Variants in FRMD1 observed in about 807,000 individuals in gnomAD.
FRMD1 encodes the protein FERM domain containing 1.
Under a neutral mutation model 54.9 loss-of-function variants are expected in FRMD1, and 51 were observed. That is an observed-to-expected ratio of 0.93 (90% CI 0.74 to 1.17). FRMD1 has a LOEUF of 1.17. FRMD1 is among the 50% of genes most tolerant of loss of function. FRMD1 has a pLI of 0.00. For synonymous variants in FRMD1, 324 were observed against 306.4 expected, an observed-to-expected ratio of 1.06 and a Z score of -0.60; for missense variants, 729 against 743.0, an observed-to-expected ratio of 0.98 and a Z score of 0.22.
chr6:168,057,022 A>G lies in FRMD1; in HGVS notation c.*75T>C. 1 of 1,414,918 alleles carries G rather than the reference A, an allele frequency of 7.1e-7. No homozygotes were observed. The highest frequency in any genetic ancestry group is 9.2e-7 in the Non-Finnish European group (1 of 1,081,896). 87.6% of individuals were successfully genotyped at this position (1,414,918 alleles called of 1,614,324 possible). A position where few individuals can be genotyped will look rare whatever the true frequency, so the allele number is the denominator to read the frequency against. Reference sequence around the variant, plus strand: ...GGCAGCATCTGGCGGGCAGGAAGGGACGAGGGCCATGTGGAAGTGGGGTGG... The same window carrying G: ...GGCAGCATCTGGCGGGCAGGAAGGGGCGAGGGCCATGTGGAAGTGGGGTGG... On this transcript the variant is annotated 3_prime_UTR_variant, in exon 11 of 11. Transcript: ENST00000283309.
At chr6:168,068,551 T>C (rs1353414094) in intron 2 of FRMD1, among the ~76,000 whole-genome samples, 5 of 152,244 alleles carry the variant, frequency 3.3e-5, no homozygotes, top group Admixed American at 1.3e-4. Flanking sequence ...TGGAAGTCTT[T>C]GTTGTACTGT....
chr6:168,069,189 G>C (rs535748916), intron 2 of FRMD1, among the ~76,000 whole-genome samples: 1 of 152,298 alleles, frequency 6.6e-6, no homozygotes, highest in African/African-American at 2.4e-5. Flanking sequence ...GTCTAGGGGA[G>C]TCCCCACCCC....
At chr6:168,080,887 G>T (rs370009007), upstream of FRMD1, among the ~76,000 whole-genome samples, 57 of 152,220 alleles carry the variant, frequency 3.7e-4, no homozygotes, top group African/African-American at 1.3e-3. Flanking sequence ...GTGTGTGGGC[G>T]CTGGTGTGTG....
At chr6:168,065,462 A>G in intron 4 of FRMD1, 1 of 1,001,024 alleles carries the variant, frequency 1.0e-6, no homozygotes, top group South Asian at 4.6e-5. Context: ...CCCAGAGCTC[A>G]CCGCCCAGCA....
upstream of FRMD1, among the ~76,000 whole-genome samples, chr6:168,082,649 G>A (rs942920047): frequency 6.6e-6 from 1 of 152,122 alleles, no homozygotes; most frequent in Non-Finnish European, 1.5e-5. Context: ...AGGGCCCCAG[G>A]CTCCAGGATT....
chr6:168,064,970 G>A lies in FRMD1; in HGVS notation c.549C>T (p.Phe183=), dbSNP rs1450812118. The change falls in exon 5 of 11, where the codon TTC becomes TTT. Residue 183 remains phenylalanine, a synonymous_variant. Transcript: ENST00000283309. ...CCTGCAGCGCGCAGGCAGCCAGCAG[G>A]AAGTAGGCTTCCTCCCGGTGAGCGC... ...SQCAHREEAY[F]LLAACALQAD... is the part of the protein sequence containing the mutation. 3 of 1,612,078 alleles carry A rather than the reference G, an allele frequency of 1.9e-6. No individual in the cohort carries two copies. The highest frequency in any genetic ancestry group is 1.1e-5 in the South Asian group (1 of 91,034).
chr6:168,071,364 A>G (rs1190888298), intron 2 of FRMD1, among the ~76,000 whole-genome samples: 1 of 152,230 alleles, frequency 6.6e-6, no homozygotes, highest in Non-Finnish European at 1.5e-5. Context: ...AAATCCAAGC[A>G]CTTCCCGTAT....
intron 3 of FRMD1, chr6:168,067,078 GCCTCAGGGCTCA>G (rs1562417603): frequency 2.8e-6 from 2 of 710,874 alleles, no homozygotes; most frequent in Non-Finnish European, 5.1e-6. Flanking sequence ...CCTGCTTGCA[GCCTCAGGGCTCA>G]CCACAGTCCC....
intron 5 of FRMD1, 53 bp from the exon 6 acceptor site, chr6:168,063,809 C>T (rs574911340): frequency 5.6e-4 from 865 of 1,537,346 alleles, no homozygotes; most frequent in Middle Eastern, 3.5e-3. Context: ...CCCCCTTCCT[C>T]CTTGCCAGCC....
Position 168,069,700 on chromosome 6 carries a change from G to A in FRMD1, c.305-2254C>T, listed in dbSNP as rs570604801. On this transcript the variant is annotated intron_variant, in intron 2 of 10. Coordinates refer to ENST00000283309, the MANE Select transcript of FRMD1 (RefSeq NM_024919.6). ...ACTCCTTAAGCTTAGTACTTCCTAGGACTTAACCTCAAACACTACGAGAAC... is the reference window on the plus strand; with the variant it reads ...ACTCCTTAAGCTTAGTACTTCCTAGAACTTAACCTCAAACACTACGAGAAC... Among the ~76,000 whole-genome samples the A allele has an allele frequency of 3.3e-5, 5 of 152,254 alleles. No homozygotes were observed. In the South Asian group the frequency reaches 8.3e-4, roughly 25 times the overall value.
intron 9 of FRMD1, among the ~76,000 whole-genome samples, chr6:168,060,122 G>A (rs1489348722): frequency 1.3e-5 from 1 of 79,996 alleles, no homozygotes; most frequent in Admixed American, 1.3e-4. Flanking sequence ...CCTAAGAGTT[G>A]GGGGGGTCTC....
rs78152017 is a variant in FRMD1 at position 168,078,888 on chromosome 6, G to A, written c.207C>T (p.Ala69=). The change falls in exon 1 of 11, where the codon GCC becomes GCT. Residue 69 remains alanine, a synonymous_variant. Coordinates refer to ENST00000283309, the MANE Select transcript of FRMD1 (RefSeq NM_024919.6). ...LLPSREQLRL[A]VGVKATGREL... ...CACCCAGGGCCCTGCTCACCCCCAC[G>A]GCCAGCCGCAGTTGCTCCCGGCTGG... 0.081 allele frequency: 127,464 copies of A among 1,575,788 alleles called. 5,357 individuals are homozygous for A. Among genetic ancestry groups the A allele is most frequent in the East Asian group, 0.14 (6,280 of 44,108 alleles).
chr6:168,070,677 A>G (rs1430573993), intron 2 of FRMD1, among the ~76,000 whole-genome samples: 1 of 152,148 alleles, frequency 6.6e-6, no homozygotes, highest in African/African-American at 2.4e-5. Flanking sequence ...CCCTCTATGT[A>G]TCTATACACA....
chr6:168,074,027 G>A (rs570250362), intron 2 of FRMD1, among the ~76,000 whole-genome samples: 8 of 152,228 alleles, frequency 5.3e-5, no homozygotes, highest in East Asian at 1.9e-4. Context: ...GGGAGAGGGG[G>A]CCAGGGCTTG....
In FRMD1 at chr6:168,060,652, T is replaced by C. The variant is rs573447433; in HGVS notation, c.1342+109A>G. On this transcript the variant is annotated intron_variant, in intron 9 of 10. Coordinates refer to ENST00000283309, the MANE Select transcript of FRMD1 (RefSeq NM_024919.6). ...AGCCCAGCCCCTCACGTCTGGCCACTGGAGGGCAGGCCAGGGCTTTGCTGC... is the reference window on the plus strand; with the variant it reads ...AGCCCAGCCCCTCACGTCTGGCCACCGGAGGGCAGGCCAGGGCTTTGCTGC... 893 of 1,145,618 alleles carry C rather than the reference T, an allele frequency of 7.8e-4. 1 individual carries two copies. Among genetic ancestry groups the C allele is most frequent in the Admixed American group, 1.2e-3 (49 of 41,070 alleles). The allele number at this position is 1,145,618 out of a possible 1,614,324, so 71.0% of individuals were successfully genotyped here.
At position 168,075,277 on chromosome 6, in the gene FRMD1, T is replaced by A. The variant is rs752102301; in HGVS notation, c.272A>T (p.Asp91Val). Reference protein sequence around the residue: ...QQVCNVASIRDAQFFGLCVVR... With the variant: ...QQVCNVASIRVAQFFGLCVVR... ...CACACAGAGGCCAAAGAACTGCGCG[T>A]CTCTGATGCTCGCCACGTTGCACAC... Residue 91 changes from aspartate (D) to valine (V), a missense_variant, in exon 2 of 11, where the codon GAC (aspartate) becomes GTC (valine). Asp to Val is a radical substitution (Grantham distance 152, BLOSUM62 -3). Transcript: ENST00000283309. The A allele has an allele frequency of 1.2e-6, 2 of 1,613,740 alleles. No individual in the cohort carries two copies. Among genetic ancestry groups the A allele is most frequent in the South Asian group, 2.2e-5 (2 of 91,074 alleles).
upstream of FRMD1, among the ~76,000 whole-genome samples, chr6:168,085,514 C>T (rs1448441814): frequency 1.3e-5 from 2 of 152,234 alleles, no homozygotes; most frequent in Non-Finnish European, 2.9e-5. Context: ...CCCACAGCCA[C>T]ACGCCCCACC....
chr6:168,070,431 G>A (rs1800252299), intron 2 of FRMD1, among the ~76,000 whole-genome samples: 1 of 151,980 alleles, frequency 6.6e-6, no homozygotes, highest in African/African-American at 2.4e-5. Flanking sequence ...TAGACTTTGA[G>A]CAAAGCAGAT....
chr6:168,090,556 G>A (rs1800999204), intron 1 of FRMD1, among the ~76,000 whole-genome samples: 1 of 152,204 alleles, frequency 6.6e-6, no homozygotes, highest in African/African-American at 2.4e-5. Flanking sequence ...TTCATGGGGA[G>A]GCCTGTCGCA....
Sources: gnomAD v4.1 joint callset for allele counts (sites outside exome capture counted in the v4.1 genomes callset) on GRCh38, gnomAD v4.1.1 for gene constraint, MANE v1.5 for transcripts, NCBI Gene and HGNC (gene_info 2026-07-23, HGNC 2026-07-21) for gene names.